Variants in ST18 observed in about 807,000 individuals in gnomAD.
The protein encoded by ST18 is suppression of tumorigenicity 18 protein.
ST18 carries 50 observed loss-of-function variants against 110.0 expected under a neutral mutation model. The ratio of observed to expected loss-of-function variants is 0.45; its 90% CI spans 0.36 to 0.58. ST18 has a LOEUF of 0.58. Among genes scored for constraint, ST18 ranks in the 20% least tolerant of loss-of-function variants. The pLI is 0.00. For missense variants in ST18, 1,306 were observed against 1,280.1 expected (o/e 1.02, Z -0.31); for synonymous variants, 461 against 452.4 (o/e 1.02, Z -0.24).
intron 2 of ST18, among the ~76,000 whole-genome samples, chr8:52,253,333 A>G (rs1472977964): frequency 1.3e-5 from 2 of 152,142 alleles, no homozygotes; most frequent in Admixed American, 6.5e-5. Context: ...GTAATATTTC[A>G]TTGAAATCAT....
At chr8:52,271,521 A>G (rs895401440) in intron 2 of ST18, among the ~76,000 whole-genome samples, 2 of 152,198 alleles carry the variant, frequency 1.3e-5, no homozygotes, top group African/African-American at 4.8e-5. Flanking sequence ...CATGAAATCT[A>G]AGGTTTTTGC....
intron 2 of ST18, among the ~76,000 whole-genome samples, chr8:52,360,454 G>A (rs1825220037): frequency 6.6e-6 from 1 of 151,834 alleles, no homozygotes; most frequent in South Asian, 2.1e-4. Context: ...TCACATTTCA[G>A]CTTTTGCTCC....
intron 9 of ST18, among the ~76,000 whole-genome samples, chr8:52,172,943 A>G (rs192435607): frequency 2.6e-4 from 39 of 152,330 alleles, no homozygotes; most frequent in African/African-American, 8.9e-4. Flanking sequence ...ATGTGAAATT[A>G]TTGTTACTGT....
intron 9 of ST18, among the ~76,000 whole-genome samples, chr8:52,173,838 A>T (rs74514376): frequency 2.6e-5 from 4 of 152,220 alleles, no homozygotes; most frequent in Non-Finnish European, 5.9e-5. Flanking sequence ...AAGCACAGCC[A>T]TCCGGTGTGA....
intron 8 of ST18, among the ~76,000 whole-genome samples, chr8:52,204,786 C>T (rs2079332617): frequency 6.6e-6 from 1 of 152,104 alleles, no homozygotes; most frequent in African/African-American, 2.4e-5. Context: ...TGATATTTTG[C>T]CACAGTTTTA....
intron 2 of ST18, among the ~76,000 whole-genome samples, chr8:52,328,966 G>C (rs375473491): frequency 1.3e-5 from 2 of 151,970 alleles, no homozygotes; most frequent in Admixed American, 6.6e-5. Flanking sequence ...TTCATAAAAC[G>C]CAACTTTCCC....
At chr8:52,275,871 T>A (rs1424232888) in intron 2 of ST18, among the ~76,000 whole-genome samples, 2 of 151,820 alleles carry the variant, frequency 1.3e-5, no homozygotes. Flanking sequence ...TCAGAGCCCA[T>A]CAGTATAGCA....
chr8:52,166,114 T>A (rs1563804914), intron 11 of ST18, among the ~76,000 whole-genome samples: 1 of 152,172 alleles, frequency 6.6e-6, no homozygotes, highest in African/African-American at 2.4e-5. Context: ...GCGTCAAGGC[T>A]GACTGGTCCT....
At chr8:52,352,647 C>G (rs916194858) in intron 2 of ST18, among the ~76,000 whole-genome samples, 2 of 152,206 alleles carry the variant, frequency 1.3e-5, no homozygotes, top group African/African-American at 2.4e-5. Flanking sequence ...AGCCTCTACT[C>G]TCTGCCAGGC....
chr8:52,256,055 T>A (rs1198734277), intron 2 of ST18, among the ~76,000 whole-genome samples: 3 of 152,226 alleles, frequency 2.0e-5, no homozygotes, highest in African/African-American at 7.2e-5. Flanking sequence ...CCTCCTAGCC[T>A]GTGAGGCTAA....
intron 2 of ST18, among the ~76,000 whole-genome samples, chr8:52,297,839 A>G: frequency 6.6e-6 from 1 of 152,328 alleles, no homozygotes; most frequent in Non-Finnish European, 1.5e-5. Context: ...CATGCCCAGG[A>G]AAAAAAGTGA....
chr8:52,358,270 A>G (rs977874168), intron 2 of ST18, among the ~76,000 whole-genome samples: 27 of 151,980 alleles, frequency 1.8e-4, no homozygotes, highest in African/African-American at 6.5e-4. Flanking sequence ...TCCCAAATTA[A>G]TATCCACCTT....
chr8:52,360,361 C>T (rs1190825582), intron 2 of ST18, among the ~76,000 whole-genome samples: 1 of 151,780 alleles, frequency 6.6e-6, no homozygotes, highest in East Asian at 1.9e-4. Flanking sequence ...TTATTTAGGT[C>T]ACATAATTAA....
At chr8:52,334,777 T>G (rs966615928) in intron 2 of ST18, among the ~76,000 whole-genome samples, 1 of 152,202 alleles carries the variant, frequency 6.6e-6, no homozygotes, top group Non-Finnish European at 1.5e-5. Context: ...TTCCAAGGAC[T>G]GGATCGAACC....
chr8:52,369,811 T>C (rs940430933), intron 2 of ST18, among the ~76,000 whole-genome samples: 5 of 152,336 alleles, frequency 3.3e-5, no homozygotes, highest in Admixed American at 2.6e-4. Context: ...AAAGGTGAGA[T>C]AATAATAAAA....
chr8:52,279,399 G>A (rs1378798972), intron 2 of ST18, among the ~76,000 whole-genome samples: 1 of 152,008 alleles, frequency 6.6e-6, no homozygotes, highest in Non-Finnish European at 1.5e-5. Context: ...AAATATTAAA[G>A]TTATGAAAAG....
chr8:52,308,768 TG>T (rs2095854147), intron 2 of ST18, among the ~76,000 whole-genome samples: 1 of 152,146 alleles, frequency 6.6e-6, no homozygotes, highest in Non-Finnish European at 1.5e-5. Flanking sequence ...AGGGAACAAC[TG>T]GGGAGACACT....
chr8:52,162,604 T>C (rs1000978904), intron 13 of ST18, among the ~76,000 whole-genome samples: 3 of 152,222 alleles, frequency 2.0e-5, no homozygotes, highest in African/African-American at 7.2e-5. Context: ...TGTATTATAA[T>C]ATCTATCACA....
chr8:52,158,476 C>T (rs2060556759), intron 15 of ST18, among the ~76,000 whole-genome samples: 1 of 152,206 alleles, frequency 6.6e-6, no homozygotes, highest in African/African-American at 2.4e-5. Context: ...AAATGTTTCA[C>T]AAGTCACCAT....
Sources: gnomAD v4.1 joint callset for allele counts (sites outside exome capture counted in the v4.1 genomes callset) on GRCh38, gnomAD v4.1.1 for gene constraint, MANE v1.5 for transcripts, NCBI Gene and HGNC (gene_info 2026-07-23, HGNC 2026-07-21) for gene names.